Variants in KLF8 observed in about 807,000 individuals in gnomAD.
KLF8 encodes Krueppel-like factor 8.
A neutral mutation model predicts 18.2 loss-of-function variants in KLF8; 10 were observed. That is an observed-to-expected ratio of 0.55 (90% CI 0.34 to 0.93). The LOEUF is 0.93. Ranked by LOEUF, KLF8 falls within the 40% of genes least tolerant of loss-of-function variation. The pLI, the probability that KLF8 is intolerant of heterozygous loss-of-function variation, is 0.02. For missense variants in KLF8, 264 were observed against 277.9 expected, an observed-to-expected ratio of 0.95 and a Z score of 0.36; for synonymous variants, 109 against 97.3, an observed-to-expected ratio of 1.12 and a Z score of -0.71.
the KLF8 span, among the ~76,000 whole-genome samples, chrX:56,208,754 G>A: frequency 9.0e-6 from 1 of 111,263 alleles, no homozygotes; most frequent in Non-Finnish European, 1.9e-5. Flanking sequence ...TAATTTCCAT[G>A]TAGTTGCACA....
At chrX:56,175,794 C>A in the KLF8 span, among the ~76,000 whole-genome samples, 16 of 111,498 alleles carry the variant, frequency 1.4e-4, no homozygotes, top group African/African-American at 4.9e-4. Context: ...GTATTGGGTG[C>A]ATATATATTT....
chrX:56,111,588 AG>A, the KLF8 span, among the ~76,000 whole-genome samples: 1 of 112,292 alleles, frequency 8.9e-6, no homozygotes, highest in Non-Finnish European at 1.9e-5. Flanking sequence ...CATCTGACAA[AG>A]GGCAAATATC....
At chrX:56,003,622 A>G in the KLF8 span, among the ~76,000 whole-genome samples, 2 of 111,529 alleles carry the variant, frequency 1.8e-5, no homozygotes, top group African/African-American at 3.3e-5. Context: ...GATAAACAAT[A>G]CAGTTGCATG....
chrX:56,190,503 T>C, the KLF8 span, among the ~76,000 whole-genome samples: 21 of 111,516 alleles, frequency 1.9e-4, no homozygotes, highest in African/African-American at 6.5e-4. Flanking sequence ...TACAGAACAT[T>C]TCATCCAATG....
chrX:56,233,879 C>T (rs1404208116), intron 1 of KLF8, among the ~76,000 whole-genome samples: 1 of 111,418 alleles, frequency 9.0e-6, no homozygotes, highest in Admixed American at 9.5e-5. Flanking sequence ...TTTGGGCGTG[C>T]CAGCTCTTTA....
chrX:56,017,160 T>C, the KLF8 span, among the ~76,000 whole-genome samples: 1 of 112,414 alleles, frequency 8.9e-6, no homozygotes, highest in African/African-American at 3.2e-5. Context: ...GCAGGATCTA[T>C]ATGTTTTTAT....
chrX:55,934,168 T>C, the KLF8 span, among the ~76,000 whole-genome samples: 1 of 112,120 alleles, frequency 8.9e-6, no homozygotes, highest in Non-Finnish European at 1.9e-5. Context: ...GCCTTTCGTC[T>C]GTAAATTCTT....
intron 2 of KLF8, among the ~76,000 whole-genome samples, chrX:56,259,718 T>G (rs1005320856): frequency 2.7e-5 from 3 of 111,324 alleles, no homozygotes; most frequent in Non-Finnish European, 3.8e-5. Flanking sequence ...TCTCCCAAAC[T>G]TCAATTATTT....
chrX:56,265,131 A>G, intron 2 of KLF8, 49 bp from the exon 3 acceptor site: 2 of 1,116,181 alleles, frequency 1.8e-6, no homozygotes, highest in Non-Finnish European at 2.4e-6. Context: ...ATGTCTCTTC[A>G]GGGTACTAAC....
the KLF8 span, among the ~76,000 whole-genome samples, chrX:56,014,673 C>T: frequency 7.2e-5 from 8 of 111,360 alleles, no homozygotes; most frequent in Admixed American, 7.7e-4. Context: ...AAGATACATG[C>T]ACGCATATGT....
the KLF8 span, among the ~76,000 whole-genome samples, chrX:56,182,545 T>C: frequency 8.9e-6 from 1 of 112,613 alleles, no homozygotes; most frequent in African/African-American, 3.2e-5. Flanking sequence ...GAAGAGGTGC[T>C]CTGATTTTTG....
the KLF8 span, among the ~76,000 whole-genome samples, chrX:55,955,366 G>C: frequency 9.0e-6 from 1 of 111,377 alleles, no homozygotes; most frequent in Non-Finnish European, 1.9e-5. Flanking sequence ...AGAAGAGTCA[G>C]GAGATCTGAT....
the KLF8 span, among the ~76,000 whole-genome samples, chrX:55,947,396 C>G: frequency 2.8e-5 from 3 of 105,935 alleles, no homozygotes; most frequent in African/African-American, 6.9e-5. Context: ...AAGAAAAAAC[C>G]AAACACCGCA....
chrX:56,167,082 G>A, the KLF8 span, among the ~76,000 whole-genome samples: 3 of 111,944 alleles, frequency 2.7e-5, no homozygotes, highest in East Asian at 8.4e-4. Flanking sequence ...AAATAACGCT[G>A]CAGAAAGTAA....
the KLF8 span, among the ~76,000 whole-genome samples, chrX:56,174,306 G>A: frequency 8.9e-6 from 1 of 111,943 alleles, no homozygotes; most frequent in Non-Finnish European, 1.9e-5. Context: ...TTAGCATGAA[G>A]CATTGTTGAA....
the KLF8 span, among the ~76,000 whole-genome samples, chrX:56,053,557 TGGGGAA>T: frequency 1.6e-4 from 17 of 105,911 alleles, no homozygotes; most frequent in Non-Finnish European, 1.9e-4. Context: ...TTTTTTTTTT[TGGGGAA>T]TAGTTTCAGC....
chrX:56,168,589 G>A, the KLF8 span, among the ~76,000 whole-genome samples: 3 of 111,058 alleles, frequency 2.7e-5, no homozygotes, highest in Non-Finnish European at 5.7e-5. Flanking sequence ...ATGTTGGTGT[G>A]CTGCACCCAT....
the KLF8 span, among the ~76,000 whole-genome samples, chrX:56,195,454 C>T: frequency 6.3e-5 from 7 of 111,554 alleles, no homozygotes; most frequent in South Asian, 7.6e-4. Context: ...CTTCAATACC[C>T]GATTCAATGA....
At chrX:56,280,302 C>G (rs1347475980) in intron 5 of KLF8, among the ~76,000 whole-genome samples, 2 of 111,654 alleles carry the variant, frequency 1.8e-5, no homozygotes, top group African/African-American at 6.5e-5. Context: ...AGCACAATCT[C>G]GACTCACTGC....
Sources: gnomAD v4.1 joint callset for allele counts (sites outside exome capture counted in the v4.1 genomes callset) on GRCh38, gnomAD v4.1.1 for gene constraint, MANE v1.5 for transcripts, NCBI Gene and HGNC (gene_info 2026-07-23, HGNC 2026-07-21) for gene names.